The following SCFD1 variants were observed in gnomAD, a reference collection of about 807,000 sequenced individuals.
The protein encoded by SCFD1 is sec1 family domain containing 1, also known as sec1 family domain-containing protein 1.
Under a neutral mutation model 103.2 loss-of-function variants are expected in SCFD1, and 37 were observed. The ratio of observed to expected loss-of-function variants is 0.36; its 90% CI spans 0.28 to 0.47. SCFD1 has a LOEUF of 0.47. Ranked by LOEUF, SCFD1 falls within the 20% of genes least tolerant of loss-of-function variation. The pLI, the probability that SCFD1 is intolerant of heterozygous loss-of-function variation, is 1.00. For synonymous variants in SCFD1, 264 were observed against 245.0 expected (o/e 1.08, Z -0.73); for missense variants, 639 against 761.2 (o/e 0.84, Z 1.89).
intron 3 of SCFD1, chr14:30,630,824 C>A: frequency 2.8e-6 from 1 of 351,496 alleles, no homozygotes. Context: ...ATCTTAAGGT[C>A]TCTTCCAGCT....
chr14:30,711,108 A>T (rs1391538573), intron 19 of SCFD1, among the ~76,000 whole-genome samples: 1 of 152,236 alleles, frequency 6.6e-6, no homozygotes, highest in Admixed American at 6.5e-5. Flanking sequence ...GAATGTGAAG[A>T]TGAATAATGT....
At chr14:30,639,956 A>G in intron 6 of SCFD1, 92 bp downstream of exon 6, 1 of 1,389,004 alleles carries the variant, frequency 7.2e-7, no homozygotes, top group Non-Finnish European at 9.5e-7. Flanking sequence ...GGACTTCAAA[A>G]CCAGCTTGTT....
intron 15 of SCFD1, among the ~76,000 whole-genome samples, chr14:30,699,574 G>A (rs909736681): frequency 1.3e-5 from 2 of 151,978 alleles, no homozygotes; most frequent in African/African-American, 4.8e-5. Context: ...AAAATTTGAG[G>A]CAAATATATT....
intron 23 of SCFD1, among the ~76,000 whole-genome samples, chr14:30,732,887 C>T (rs1893576099): frequency 6.6e-6 from 1 of 152,064 alleles, no homozygotes; most frequent in Non-Finnish European, 1.5e-5. Flanking sequence ...GAATTGGGAA[C>T]TTGACTTAAA....
At chr14:30,699,278 G>A (rs55905474) in intron 15 of SCFD1, among the ~76,000 whole-genome samples, 1 of 152,128 alleles carries the variant, frequency 6.6e-6, no homozygotes, top group African/African-American at 2.4e-5. Context: ...TAAAAAATAA[G>A]TGTCTTATCA....
chr14:30,645,340 CT>C lies in SCFD1; in HGVS notation c.613+1939del, dbSNP rs563391504. ...CAGGCTCTTTTTTGGTTCTGTATGACTTTTAGAAAAGTTTTTTCTAATTCTG... is the reference window on the plus strand; with the variant it reads ...CAGGCTCTTTTTTGGTTCTGTATGACTTTAGAAAAGTTTTTTCTAATTCTG... On this transcript the variant is annotated intron_variant, in intron 7 of 24. Coordinates refer to ENST00000458591, the MANE Select transcript of SCFD1 (RefSeq NM_016106.4). Among the ~76,000 whole-genome samples, 295 of 152,174 alleles carry C rather than the reference CT, an allele frequency of 1.9e-3. 1 individual carries two copies. The highest frequency in any genetic ancestry group is 6.8e-3 in the African/African-American group (281 of 41,538).
At chr14:30,722,002 CT>C in intron 22 of SCFD1, 85 bp downstream of exon 22, 2 of 942,294 alleles carry the variant, frequency 2.1e-6, no homozygotes, top group East Asian at 2.5e-5. Context: ...CCAAACATGG[CT>C]TTATGATGAT....
chr14:30,632,289 C>T (rs1471232924), intron 3 of SCFD1, among the ~76,000 whole-genome samples: 2 of 152,056 alleles, frequency 1.3e-5, no homozygotes, highest in Non-Finnish European at 2.9e-5. Context: ...GTTTAATCAG[C>T]TCAAATTCTT....
intron 14 of SCFD1, among the ~76,000 whole-genome samples, chr14:30,684,731 T>C (rs997243330): frequency 1.0e-4 from 15 of 146,026 alleles, no homozygotes; most frequent in Non-Finnish European, 2.2e-4. Flanking sequence ...ACTTATTCTT[T>C]TTTTTTTTTT....
intron 10 of SCFD1, among the ~76,000 whole-genome samples, chr14:30,656,539 T>C (rs230340): frequency 0.42 from 64,382 of 151,884 alleles, 16,581 homozygotes; most frequent in African/African-American, 0.7. Context: ...GTTGTGACAA[T>C]CAAAACGTCT....
intron 10 of SCFD1, among the ~76,000 whole-genome samples, chr14:30,667,162 T>C (rs910731883): frequency 6.6e-6 from 1 of 152,154 alleles, no homozygotes; most frequent in Non-Finnish European, 1.5e-5. Flanking sequence ...CTCAATAAAA[T>C]ACTGGCAAAG....
intron 19 of SCFD1, among the ~76,000 whole-genome samples, chr14:30,711,440 T>TATC (rs1891863176): frequency 6.6e-6 from 1 of 152,172 alleles, no homozygotes; most frequent in Non-Finnish European, 1.5e-5. Context: ...AAAGTCCATC[T>TATC]ATCTCTACAA....
chr14:30,724,245 GTTTTTTTTTTTT>G (rs58612669), intron 23 of SCFD1, among the ~76,000 whole-genome samples: 1 of 69,682 alleles, frequency 1.4e-5, no homozygotes, highest in Non-Finnish European at 2.5e-5. Flanking sequence ...TTTTTTATGG[GTTTTTTTTTTTT>G]TTTTTTTTTT....
At chr14:30,722,463 T>G (rs886736348) in intron 22 of SCFD1, 31 bp from the exon 23 acceptor site, 12 of 767,000 alleles carry the variant, frequency 1.6e-5, no homozygotes, top group Non-Finnish European at 1.6e-5. Context: ...AAAAACTGTG[T>G]TTTTTTTTTT....
At chr14:30,694,591 A>C (rs1474331239) in intron 14 of SCFD1, among the ~76,000 whole-genome samples, 182 bp from the exon 15 acceptor site, 1 of 152,086 alleles carries the variant, frequency 6.6e-6, no homozygotes, top group Non-Finnish European at 1.5e-5. Context: ...GTTAGGAATG[A>C]GCCTGGGAAG....
At chr14:30,679,332 TAGAA>T (rs770588986) in intron 14 of SCFD1, among the ~76,000 whole-genome samples, 5 of 152,280 alleles carry the variant, frequency 3.3e-5, no homozygotes, top group Admixed American at 2.0e-4. Flanking sequence ...TTGCACATCT[TAGAA>T]AGACTCAGTG....
In SCFD1 at chr14:30,719,364, C is replaced by T. The variant is rs753170714; in HGVS notation, c.1723C>T (p.Arg575Trp). Reference protein sequence around the residue: ...DYRYFDPKMLRGNDSSVPRNK... With the variant: ...DYRYFDPKMLWGNDSSVPRNK... ...TAGATATTTTGATCCCAAAATGCTGCGGGGCAATGACAGGTAAGCAGCTTT... is the reference window on the plus strand; with the variant it reads ...TAGATATTTTGATCCCAAAATGCTGTGGGGCAATGACAGGTAAGCAGCTTT... Residue 575 changes from arginine (R) to tryptophan (W), a missense_variant, in exon 21 of 25, where the codon CGG (arginine) becomes TGG (tryptophan). Transcript: ENST00000458591. 1.7e-5 allele frequency: 27 copies of T among 1,604,732 alleles called. No homozygotes were observed. The highest frequency in any genetic ancestry group is 9.0e-5 in the East Asian group (4 of 44,666).
intron 15 of SCFD1, among the ~76,000 whole-genome samples, chr14:30,697,673 A>G (rs1380830116): frequency 2.0e-5 from 3 of 152,238 alleles, no homozygotes; most frequent in Non-Finnish European, 2.9e-5. Flanking sequence ...TGCAAAGAAC[A>G]CAGCATCACT....
intron 16 of SCFD1, among the ~76,000 whole-genome samples, chr14:30,701,304 A>AGT (rs750555309): frequency 8.7e-4 from 132 of 152,172 alleles, no homozygotes; most frequent in Non-Finnish European, 1.7e-3. Flanking sequence ...TCTTTTTGTA[A>AGT]GTATCTCTTT....
Sources: allele counts gnomAD v4.1 joint callset (sites outside exome capture counted in the v4.1 genomes callset), GRCh38; gene constraint gnomAD v4.1.1; transcripts MANE v1.5; gene names NCBI Gene and HGNC (gene_info 2026-07-23, HGNC 2026-07-21).